SAMHD1: variants seen among roughly 807,000 people sequenced by gnomAD.
SAMHD1 encodes deoxynucleoside triphosphate triphosphohydrolase SAMHD1.
Under a neutral mutation model 79.6 loss-of-function variants are expected in SAMHD1, and 54 were observed. That is an observed-to-expected ratio of 0.68 (90% confidence interval 0.55 to 0.85). The LOEUF (loss-of-function observed/expected upper bound fraction) is 0.85. Among genes scored for constraint, SAMHD1 ranks in the 40% least tolerant of loss-of-function variants. SAMHD1 has a pLI of 0.00. For synonymous variants in SAMHD1, 260 were observed against 264.1 expected (o/e 0.98, Z 0.15); for missense variants, 663 against 782.7 (o/e 0.85, Z 1.82).
At chr20:36,914,266 G>A (rs1042444530) in intron 9 of SAMHD1, among the ~76,000 whole-genome samples, 1 of 152,078 alleles carries the variant, frequency 6.6e-6, no homozygotes, top group African/African-American at 2.4e-5. Context: ...TACTTAATGT[G>A]AAGACGATGA....
At chr20:36,919,253 A>G (rs2063492129) in intron 7 of SAMHD1, 111 bp downstream of exon 7, 1 of 994,446 alleles carries the variant, frequency 1.0e-6, no homozygotes, top group Non-Finnish European at 1.5e-6. Context: ...CATAGAACTC[A>G]TATTTTATCA....
chr20:36,923,586 C>T (rs2063519683), intron 6 of SAMHD1, among the ~76,000 whole-genome samples: 1 of 151,968 alleles, frequency 6.6e-6, no homozygotes, highest in Non-Finnish European at 1.5e-5. Context: ...TTATAAGGAA[C>T]TTAGGAGTAA....
intron 6 of SAMHD1, among the ~76,000 whole-genome samples, chr20:36,924,131 A>T (rs2063522676): frequency 1.3e-5 from 2 of 152,090 alleles, no homozygotes; most frequent in East Asian, 3.9e-4. Flanking sequence ...GTGTGCCTGT[A>T]GTCCCAGCTA....
At chr20:36,922,306 T>G (rs1158862796) in intron 6 of SAMHD1, among the ~76,000 whole-genome samples, 2 of 152,228 alleles carry the variant, frequency 1.3e-5, no homozygotes, top group African/African-American at 4.8e-5. Context: ...TTACTGATTT[T>G]GATAATTATA....
In SAMHD1 at chr20:36,912,896, T is replaced by TTTG. The variant is rs1555833558; in HGVS notation, c.1063-345_1063-344insCAA. Among the ~76,000 whole-genome samples, 20 of 128,380 alleles carry TTTG rather than the reference T, an allele frequency of 1.6e-4. 3 individuals are homozygous for TTTG. The highest frequency in any genetic ancestry group is 5.9e-4 in the African/African-American group (18 of 30,288). The allele number at this position is 128,380 out of a possible 152,430, so 84.2% of individuals were successfully genotyped here. ...AGCTAACTTTCATTCTTTGTTTTTTTTTTTTTTTTTTTTTTTTTTGAGATG... is the reference window on the plus strand; with the variant it reads ...AGCTAACTTTCATTCTTTGTTTTTTTTTGTTTTTTTTTTTTTTTTTTTGAGATG... On this transcript the variant is annotated intron_variant, in intron 9 of 15. Coordinates refer to ENST00000646673, the MANE Select transcript of SAMHD1 (RefSeq NM_015474.4).
chr20:36,909,086 T>C (rs1289272939), intron 11 of SAMHD1, among the ~76,000 whole-genome samples: 1 of 152,086 alleles, frequency 6.6e-6, no homozygotes, highest in Non-Finnish European at 1.5e-5. Flanking sequence ...CTCAGCCTCC[T>C]GAGTAGCTGA....
At chr20:36,921,098 A>G (rs2063501040) in intron 6 of SAMHD1, among the ~76,000 whole-genome samples, 1 of 151,972 alleles carries the variant, frequency 6.6e-6, no homozygotes, top group African/African-American at 2.4e-5. Context: ...AAACAACAAC[A>G]ACAACAAACA....
intron 11 of SAMHD1, 73 bp from the exon 12 acceptor site, chr20:36,905,576 A>G (rs1363398740): frequency 1.5e-6 from 2 of 1,292,130 alleles, no homozygotes; most frequent in East Asian, 4.7e-5. Context: ...GTGCTATTCT[A>G]TTGAAATGAT....
intron 2 of SAMHD1, among the ~76,000 whole-genome samples, chr20:36,945,009 G>A (rs1431595051): frequency 6.6e-6 from 1 of 151,798 alleles, no homozygotes; most frequent in South Asian, 2.1e-4. Flanking sequence ...ATGTAACTAT[G>A]TATGTATGTA....
chr20:36,931,279 G>A (rs2063566496), intron 4 of SAMHD1, among the ~76,000 whole-genome samples: 1 of 152,160 alleles, frequency 6.6e-6, no homozygotes, highest in Admixed American at 6.6e-5. Context: ...ATTAAAAACG[G>A]AATTACCACA....
intron 9 of SAMHD1, among the ~76,000 whole-genome samples, chr20:36,914,501 C>A (rs1189932422): frequency 1.3e-5 from 2 of 151,900 alleles, no homozygotes; most frequent in Admixed American, 6.6e-5. Context: ...CAGGCACTCG[C>A]CACTGCGCCC....
At chr20:36,948,595 G>T (rs1183572605) in intron 1 of SAMHD1, among the ~76,000 whole-genome samples, 1 of 151,826 alleles carries the variant, frequency 6.6e-6, no homozygotes, top group Non-Finnish European at 1.5e-5. Flanking sequence ...CTGGTCGGGC[G>T]TGGTGGCTCA....
intron 2 of SAMHD1, chr20:36,946,423 A>C (rs1240414995): frequency 7.1e-6 from 2 of 281,036 alleles, no homozygotes; most frequent in Non-Finnish European, 1.4e-5. Flanking sequence ...AAAAAAAAAA[A>C]AAACCGAAAA....
intron 15 of SAMHD1, among the ~76,000 whole-genome samples, chr20:36,896,671 C>T (rs557711845): frequency 2.6e-5 from 4 of 152,036 alleles, no homozygotes; most frequent in African/African-American, 9.6e-5. Flanking sequence ...CCCATCTCTA[C>T]TAAAATACAA....
At chr20:36,944,787 G>C (rs73620247) in intron 2 of SAMHD1, among the ~76,000 whole-genome samples, 3 of 151,724 alleles carry the variant, frequency 2.0e-5, no homozygotes, top group Admixed American at 6.6e-5. Flanking sequence ...CCAGCTACTC[G>C]GGAGGCTGAG....
intron 4 of SAMHD1, among the ~76,000 whole-genome samples, chr20:36,933,064 G>A (rs974047401): frequency 5.3e-5 from 8 of 152,094 alleles, no homozygotes; most frequent in Non-Finnish European, 7.3e-5. Context: ...GGACAGAGGC[G>A]ATTGTTATCT....
chr20:36,943,412 C>T (rs1255560692), intron 2 of SAMHD1, among the ~76,000 whole-genome samples: 4 of 152,220 alleles, frequency 2.6e-5, no homozygotes, highest in African/African-American at 4.8e-5. Context: ...TTAATTTAAA[C>T]GTGAAGCTAG....
rs114640106 is a variant in SAMHD1, at chr20:36,893,621, G to A, written c.1747-555C>T. 2.1e-3 allele frequency: 748 copies of A among 355,210 alleles called. 3 individuals are homozygous for A. The highest frequency in any genetic ancestry group is 0.013 in the African/African-American group (595 of 47,530). The allele number at this position is 355,210 out of a possible 1,614,324, so 22.0% of individuals were successfully genotyped here. ...ATCCAAAGGGAGGCGATACAATGAC[G>A]TGAAACCATAGAGGTAAGAAGCAAG... On this transcript the variant is annotated intron_variant, in intron 15 of 15. Transcript: ENST00000646673.
chr20:36,922,066 A>G (rs1338261724), intron 6 of SAMHD1, among the ~76,000 whole-genome samples: 8 of 152,210 alleles, frequency 5.3e-5, no homozygotes, highest in Non-Finnish European at 1.2e-4. Flanking sequence ...TGAAACTCAA[A>G]TTGAGGAACA....
Sources: gnomAD v4.1 joint callset for allele counts (sites outside exome capture counted in the v4.1 genomes callset) on GRCh38, gnomAD v4.1.1 for gene constraint, MANE v1.5 for transcripts, NCBI Gene and HGNC (gene_info 2026-07-23, HGNC 2026-07-21) for gene names.